The following SNRNP40 variants were observed in gnomAD, a reference collection of about 807,000 sequenced individuals.
SNRNP40 encodes the protein small nuclear ribonucleoprotein U5 subunit 40.
In SNRNP40, 21 loss-of-function variants were observed where a neutral mutation model predicts 45.8. The observed-to-expected ratio is 0.46, with a 90% CI of 0.32 to 0.66. The LOEUF is 0.66. SNRNP40 is among the 30% of genes least tolerant of loss of function. SNRNP40 has a pLI of 0.03. For synonymous variants in SNRNP40, 142 were observed against 163.8 expected, an observed-to-expected ratio of 0.87 and a Z score of 1.01; for missense variants, 344 against 439.1, an observed-to-expected ratio of 0.78 and a Z score of 1.94.
At chr1:31,280,559 T>G (rs928209217) in intron 5 of SNRNP40, among the ~76,000 whole-genome samples, 2 of 31,812 alleles carry the variant, frequency 6.3e-5, no homozygotes, top group South Asian at 9.9e-4. Flanking sequence ...GAAAGTTGAG[T>G]ATCTGACAGT....
At chr1:31,283,935 C>A (rs1456037132) in intron 4 of SNRNP40, among the ~76,000 whole-genome samples, 4 of 152,050 alleles carry the variant, frequency 2.6e-5, no homozygotes, top group African/African-American at 9.7e-5. Context: ...CTATAAAATT[C>A]TTAGAGGGCC....
intron 3 of SNRNP40, among the ~76,000 whole-genome samples, chr1:31,291,439 T>C (rs1451098593): frequency 6.6e-6 from 1 of 152,060 alleles, no homozygotes; most frequent in Non-Finnish European, 1.5e-5. Context: ...ATTATTGTAA[T>C]CACAGCATTT....
chr1:31,263,005 A>G (rs894136377), intron 8 of SNRNP40, among the ~76,000 whole-genome samples: 2 of 33,040 alleles, frequency 6.1e-5, no homozygotes, highest in Admixed American at 6.6e-4. Flanking sequence ...CTGTCTCAAG[A>G]AAAAAAAAAT....
At position 31,291,979 on chromosome 1, in the gene SNRNP40, T is replaced by C. The variant is rs1023368292; in HGVS notation, c.299A>G (p.Asp100Gly). ...ILLWNVYGDC[D>G]NYATLKGHSG... ...GTGTCCCTTCAGTGTGGCATAGTTA[T>C]CACAGTCACCATAGACATTCCACAG... The change falls in exon 3 of 10, where the codon GAT (aspartate) becomes GGT (glycine). Residue 100 changes from aspartate (D) to glycine (G), a missense_variant. Asp to Gly is a moderately conservative substitution (Grantham distance 94). Transcript: ENST00000263694. 2 of 1,612,630 alleles carry C rather than the reference T, an allele frequency of 1.2e-6. No individual in the cohort carries two copies. Among genetic ancestry groups the C allele is most frequent in the Non-Finnish European group, 1.7e-6 (2 of 1,178,628 alleles).
Position 31,262,414 on chromosome 1 carries a change from G to A in SNRNP40, c.921-782C>T, listed in dbSNP as rs557016644. Among the ~76,000 whole-genome samples, 171 of 151,384 alleles carry A rather than the reference G, an allele frequency of 1.1e-3. 1 individual carries two copies. The highest frequency in any genetic ancestry group is 3.4e-3 in the Middle Eastern group (1 of 290). On this transcript the variant is annotated intron_variant, in intron 8 of 9. Coordinates refer to ENST00000263694, the MANE Select transcript of SNRNP40 (RefSeq NM_004814.3). ...CGTGTGCCTGTAATCCCAACTACTC[G>A]GGAGGCTGAGGCAGGAGAATTGCCT...
rs1246224803 is a variant in SNRNP40 at position 31,267,873 on chromosome 1, G to A, written c.918C>T (p.Asp306=). 1.2e-6 allele frequency: 2 copies of A among 1,611,706 alleles called. No homozygotes were observed. Among genetic ancestry groups the A allele is most frequent in the Admixed American group, 1.7e-5 (1 of 59,986 alleles). ...DGSKIAAGSA[D]RFVYVWDTTS... is the part of the protein sequence containing the mutation. ...ACTTTGCACCCACTAATCCTTACCTGTCGGCTGAGCCAGCTGCTATTTTGC... is the reference window on the plus strand; with the variant it reads ...ACTTTGCACCCACTAATCCTTACCTATCGGCTGAGCCAGCTGCTATTTTGC... Residue 306 remains aspartate (D), a splice_region_variant and synonymous_variant, in exon 8 of 10, where the codon GAC becomes GAT. Coordinates refer to ENST00000263694, the MANE Select transcript of SNRNP40 (RefSeq NM_004814.3).
intron 7 of SNRNP40, among the ~76,000 whole-genome samples, chr1:31,268,355 T>A (rs1385787625): frequency 6.6e-6 from 1 of 150,670 alleles, no homozygotes; most frequent in African/African-American, 2.4e-5. Context: ...CAATCATAGC[T>A]CACTGTAGTT....
chr1:31,261,819 G>T, intron 8 of SNRNP40, 187 bp from the exon 9 acceptor site: 1 of 452,662 alleles, frequency 2.2e-6, no homozygotes, highest in Non-Finnish European at 3.9e-6. Context: ...CTTGAGCAAT[G>T]GGGTGGAGAA....
chr1:31,271,201 A>G (rs140228233), intron 6 of SNRNP40, 178 bp downstream of exon 6: 5 of 561,354 alleles, frequency 8.9e-6, no homozygotes, highest in South Asian at 2.8e-5. Flanking sequence ...GAGAGAAGAA[A>G]TGCTGTGTGC....
In SNRNP40 at chr1:31,261,325, G is replaced by C. The variant is rs568813248; in HGVS notation, c.1024+204C>G. On this transcript the variant is annotated intron_variant, in intron 9 of 9. Coordinates refer to ENST00000263694, the MANE Select transcript of SNRNP40 (RefSeq NM_004814.3). Reference sequence around the variant, plus strand: ...AAGATTGCACCATTGCTCCAACCTGGGCAAAACAGCGAGACACTGTCTCAA... The same window carrying C: ...AAGATTGCACCATTGCTCCAACCTGCGCAAAACAGCGAGACACTGTCTCAA... 12 of 562,404 alleles carry C rather than the reference G, an allele frequency of 2.1e-5. No homozygotes were observed. In the African/African-American group the frequency reaches 2.3e-4, roughly 11 times the overall value. 34.8% of individuals were successfully genotyped at this position (562,404 alleles called of 1,614,324 possible). A position where few individuals can be genotyped will look rare whatever the true frequency, so the allele number is the denominator to read the frequency against.
In SNRNP40 at chr1:31,290,237, G is replaced by T. The variant is rs138058524; in HGVS notation, c.366-818C>A. Reference sequence around the variant, plus strand: ...TTTTTTTGAGATGGAGTCTCACTGTGTTGCCCAGGCTGGTTTTGAACTCTT... The same window carrying T: ...TTTTTTTGAGATGGAGTCTCACTGTTTTGCCCAGGCTGGTTTTGAACTCTT... On this transcript the variant is annotated intron_variant, in intron 3 of 9. Transcript: ENST00000263694. 5.9e-3 allele frequency among the ~76,000 whole-genome samples: 896 copies of T among 152,154 alleles called. 72 individuals are homozygous for T. The East Asian group carries it at 0.15, about 25-fold the overall frequency.
chr1:31,263,036 A>G (rs1645871214), intron 8 of SNRNP40, among the ~76,000 whole-genome samples: 1 of 148,946 alleles, frequency 6.7e-6, no homozygotes, highest in Admixed American at 6.8e-5. Context: ...TTCATGCTGT[A>G]TAATAAAGGT....
intron 4 of SNRNP40, chr1:31,282,494 T>G (rs948333668): frequency 6.7e-6 from 1 of 148,286 alleles, no homozygotes; most frequent in Non-Finnish European, 1.5e-5. Context: ...TATCTATCTA[T>G]CTATCTATCT....
At chr1:31,269,446 T>C (rs752131871) in intron 6 of SNRNP40, 79 of 1,255,462 alleles carry the variant, frequency 6.3e-5, no homozygotes, top group Non-Finnish European at 8.0e-5. Context: ...TAACTGGGGC[T>C]AGCTGAGGGG....
intron 5 of SNRNP40, among the ~76,000 whole-genome samples, chr1:31,279,523 G>A (rs1037886174): frequency 3.9e-5 from 6 of 152,202 alleles, no homozygotes; most frequent in Non-Finnish European, 4.4e-5. Context: ...CAAGGCGGGT[G>A]GATCACCTGA....
Position 31,293,291 on chromosome 1 carries a change from C to G in SNRNP40, c.199G>C (p.Gly67Arg). 1.2e-6 allele frequency: 2 copies of G among 1,614,058 alleles called. No homozygotes were observed. Among genetic ancestry groups the G allele is most frequent in the Non-Finnish European group, 1.7e-6 (2 of 1,179,998 alleles). Residue 67 changes from glycine to arginine, a missense_variant, in exon 2 of 10, where the codon GGG (glycine) becomes CGG (arginine). Coordinates refer to ENST00000263694, the MANE Select transcript of SNRNP40 (RefSeq NM_004814.3). The part of the protein sequence containing the change: ...APIMLLSGHE[G>R]EVYCCKFHPN... ...TGGAACTTGCAGCAGTAGACTTCCCCTTCATGTCCAGAGAGCAGCATGATT... is the reference window on the plus strand; with the variant it reads ...TGGAACTTGCAGCAGTAGACTTCCCGTTCATGTCCAGAGAGCAGCATGATT...
Position 31,267,902 on chromosome 1 carries a change from C to T in SNRNP40, c.889G>A (p.Gly297Arg). 3.1e-6 allele frequency: 5 copies of T among 1,613,336 alleles called. No individual in the cohort carries two copies. The highest frequency in any genetic ancestry group is 4.2e-6 in the Non-Finnish European group (5 of 1,179,388). ...NLLRCSWSPD[G>R]SKIAAGSADR... The stretch of plus-strand genomic sequence containing the variant: ...GCTGAGCCAGCTGCTATTTTGCTTC[C>T]ATCAGGTGACCAAGAACATCTCAGA... The change falls in exon 8 of 10, where the codon GGA becomes AGA. Residue 297 changes from glycine to arginine, a missense_variant. Gly to Arg is a moderately radical substitution (Grantham distance 125). Coordinates refer to ENST00000263694, the MANE Select transcript of SNRNP40 (RefSeq NM_004814.3).
intron 4 of SNRNP40, 165 bp from the exon 5 acceptor site, chr1:31,281,661 T>A (rs541910915): frequency 1.0e-4 from 53 of 532,398 alleles, no homozygotes; most frequent in African/African-American, 9.0e-4. Flanking sequence ...TGGTAAGCAG[T>A]GTGCTCAATT....
intron 3 of SNRNP40, among the ~76,000 whole-genome samples, chr1:31,291,275 T>C (rs551125826): frequency 2.8e-4 from 36 of 129,808 alleles, no homozygotes; most frequent in African/African-American, 1.0e-3. Flanking sequence ...GCAACAAGAG[T>C]GAAATTCCGT....
Sources: gnomAD v4.1 joint callset for allele counts (sites outside exome capture counted in the v4.1 genomes callset) on GRCh38, gnomAD v4.1.1 for gene constraint, MANE v1.5 for transcripts, NCBI Gene and HGNC (gene_info 2026-07-23, HGNC 2026-07-21) for gene names.